The following GLE1 variants were observed in gnomAD, a reference collection of about 807,000 sequenced individuals.
GLE1 encodes the protein mRNA export factor GLE1.
A neutral mutation model predicts 97.3 loss-of-function variants in GLE1; 78 were observed. That is an observed-to-expected ratio of 0.80 (90% confidence interval 0.67 to 0.97). The LOEUF (loss-of-function observed/expected upper bound fraction) is 0.97, where lower values mean the gene tolerates loss of function less well. Ranked by LOEUF, GLE1 falls within the 50% of genes least tolerant of loss-of-function variation. The pLI is 0.00. For missense variants in GLE1, 753 were observed against 857.5 expected (o/e 0.88, Z 1.52); for synonymous variants, 302 against 313.4 (o/e 0.96, Z 0.39).
chr9:128,532,034 T>C (rs1166472641), intron 9 of GLE1, among the ~76,000 whole-genome samples: 1 of 149,280 alleles, frequency 6.7e-6, no homozygotes, highest in Admixed American at 6.7e-5. Context: ...TCCACATGGT[T>C]GGCTTTTTTT....
intron 13 of GLE1, 98 bp from the exon 14 acceptor site, chr9:128,539,518 T>G: frequency 2.0e-6 from 2 of 979,780 alleles, no homozygotes; most frequent in South Asian, 1.3e-5. Flanking sequence ...AAATTTTTGA[T>G]AGGTGTGAAA....
intron 13 of GLE1, among the ~76,000 whole-genome samples, chr9:128,538,922 T>C (rs1451564129): frequency 1.3e-5 from 2 of 152,136 alleles, no homozygotes; most frequent in Non-Finnish European, 2.9e-5. Context: ...CTGGAACCAT[T>C]TGATCTATAG....
chr9:128,536,456 T>G lies in GLE1; in HGVS notation c.1748T>G (p.Leu583Arg). 1 of 1,613,972 alleles carries G rather than the reference T, an allele frequency of 6.2e-7. No individual in the cohort carries two copies. Among genetic ancestry groups the G allele is most frequent in the Non-Finnish European group, 8.5e-7 (1 of 1,179,896 alleles). The change falls in exon 12 of 16, where the codon CTC becomes CGC. Residue 583 changes from leucine to arginine, a missense_variant. Leu to Arg is a moderately radical substitution (Grantham distance 102). Coordinates refer to ENST00000309971, the MANE Select transcript of GLE1 (RefSeq NM_001003722.2). ...MIRLYAAIIQLRWPYGNRQEI... is the reference protein window; with the variant it reads ...MIRLYAAIIQRRWPYGNRQEI... Reference sequence around the variant, plus strand: ...CGTCTCTACGCTGCTATCATCCAGCTCCGGTGGCCATATGGAAACCGACAG... The same window carrying G: ...CGTCTCTACGCTGCTATCATCCAGCGCCGGTGGCCATATGGAAACCGACAG...
chr9:128,535,760 G>T (rs568707955), intron 11 of GLE1, among the ~76,000 whole-genome samples: 14 of 152,116 alleles, frequency 9.2e-5, no homozygotes, highest in African/African-American at 7.2e-5. Flanking sequence ...GGCGGAGATT[G>T]CCTGAGATCG....
intron 4 of GLE1, among the ~76,000 whole-genome samples, 174 bp downstream of exon 4, chr9:128,522,990 A>G (rs1401048747): frequency 1.3e-5 from 2 of 152,188 alleles, no homozygotes; most frequent in African/African-American, 4.8e-5. Flanking sequence ...AGACAACCAA[A>G]GGAACACAAA....
intron 15 of GLE1, 42 bp from the exon 16 acceptor site, chr9:128,541,060 T>TA: frequency 9.4e-7 from 1 of 1,065,324 alleles, no homozygotes; most frequent in Non-Finnish European, 1.5e-6. Flanking sequence ...GGAACACTGT[T>TA]ATCAGAAACT....
In GLE1 at chr9:128,523,331, C is replaced by G. The variant is rs1442612110; in HGVS notation, c.633C>G (p.His211Gln). Residue 211 changes from histidine to glutamine, a missense_variant, in exon 5 of 16, where the codon CAC (histidine) becomes CAG (glutamine). By Grantham distance (24) the His-to-Gln change is conservative. Transcript: ENST00000309971. ...AGAAGCTAAAAGCTGAGCACCGTCACAGAGCAAAGGTCAGAGCCTGGCAGA... is the reference window on the plus strand; with the variant it reads ...AGAAGCTAAAAGCTGAGCACCGTCAGAGAGCAAAGGTCAGAGCCTGGCAGA... ...HQEKLKAEHR[H>Q]RAKILNLKLR... 2.5e-6 allele frequency: 4 copies of G among 1,612,478 alleles called. No homozygotes were observed. The highest frequency in any genetic ancestry group is 2.5e-6 in the Non-Finnish European group (3 of 1,178,600).
intron 11 of GLE1, among the ~76,000 whole-genome samples, chr9:128,534,307 C>T (rs1242294324): frequency 1.3e-5 from 2 of 151,942 alleles, no homozygotes; most frequent in African/African-American, 4.8e-5. Flanking sequence ...AGGCGGAGGT[C>T]GCAGTGAGCC....
intron 14 of GLE1, 47 bp downstream of exon 14, chr9:128,539,745 C>A (rs1042147417): frequency 6.2e-7 from 1 of 1,613,776 alleles, no homozygotes; most frequent in Non-Finnish European, 8.5e-7. Context: ...TAACTCATAA[C>A]CAGGCCTCAG....
chr9:128,525,455 T>G, intron 7 of GLE1, 32 bp downstream of exon 7: 1 of 1,286,566 alleles, frequency 7.8e-7, no homozygotes, highest in African/African-American at 1.5e-5. Context: ...GTCCTTTAAC[T>G]CGTAAGTTTC....
intron 3 of GLE1, among the ~76,000 whole-genome samples, chr9:128,517,125 A>G (rs1175103413): frequency 6.6e-6 from 1 of 151,790 alleles, no homozygotes; most frequent in Non-Finnish European, 1.5e-5. Context: ...CCCCATCTCT[A>G]CTAAAAATAC....
chr9:128,536,986 C>A, intron 12 of GLE1: 1 of 167,676 alleles, frequency 6.0e-6, no homozygotes, highest in Non-Finnish European at 1.3e-5. Flanking sequence ...TTGATTAAAT[C>A]CAAGTTTTTA....
chr9:128,539,144 G>A (rs1342387219), intron 13 of GLE1, among the ~76,000 whole-genome samples: 1 of 152,074 alleles, frequency 6.6e-6, no homozygotes, highest in Non-Finnish European at 1.5e-5. Flanking sequence ...GAGGTTGGAG[G>A]ATCACCTGAG....
chr9:128,523,850 A>AT lies in GLE1; in HGVS notation c.897+4_897+5insT, dbSNP rs539582386. 2 of 1,613,682 alleles carry AT rather than the reference A, an allele frequency of 1.2e-6. No homozygotes were observed. The highest frequency in any genetic ancestry group is 1.7e-6 in the Non-Finnish European group (2 of 1,179,958). The stretch of plus-strand genomic sequence containing the variant: ...GATCATCCGGGCCTCTTCAGAGGTG[A>AT]GGGGGGCTTCAGAGTGACTCTTTGC... On this transcript the variant is annotated splice_donor_region_variant and intron_variant, in intron 6 of 15. Coordinates refer to ENST00000309971, the MANE Select transcript of GLE1 (RefSeq NM_001003722.2).
intron 7 of GLE1, 58 bp downstream of exon 7, chr9:128,525,481 C>T (rs1721816479): frequency 2.9e-6 from 3 of 1,047,520 alleles, no homozygotes; most frequent in South Asian, 2.7e-5. Flanking sequence ...TGAAGAGAAA[C>T]AAGAGCATGT....
At chr9:128,526,672 GTTT>G (rs111552917) in intron 7 of GLE1, among the ~76,000 whole-genome samples, 3 of 145,550 alleles carry the variant, frequency 2.1e-5, no homozygotes, top group Non-Finnish European at 4.6e-5. Flanking sequence ...TTTGTTTTTT[GTTT>G]TTTTTTTGAG....
intron 11 of GLE1, among the ~76,000 whole-genome samples, chr9:128,534,780 G>A (rs912561989): frequency 4.6e-4 from 69 of 151,568 alleles, no homozygotes; most frequent in African/African-American, 1.6e-3. Flanking sequence ...GTGCAGTGGC[G>A]TGATCTCAGC....
intron 3 of GLE1, among the ~76,000 whole-genome samples, chr9:128,519,918 T>C (rs963991218): frequency 6.6e-6 from 1 of 152,090 alleles, no homozygotes; most frequent in African/African-American, 2.4e-5. Context: ...AGCTGGCCAA[T>C]GCTTAGGGAA....
At chr9:128,512,301 A>G (rs1023709784) in intron 2 of GLE1, among the ~76,000 whole-genome samples, 1 of 152,168 alleles carries the variant, frequency 6.6e-6, no homozygotes, top group Non-Finnish European at 1.5e-5. Context: ...ATGTGATAAA[A>G]TTACATAGAA....
Sources: gnomAD v4.1 joint callset for allele counts (sites outside exome capture counted in the v4.1 genomes callset) on GRCh38, gnomAD v4.1.1 for gene constraint, MANE v1.5 for transcripts, NCBI Gene and HGNC (gene_info 2026-07-23, HGNC 2026-07-21) for gene names.